The following ATP11A variants were observed in gnomAD, a reference collection of about 807,000 sequenced individuals.
ATP11A encodes the protein phospholipid-transporting ATPase IH.
ATP11A carries 81 observed loss-of-function variants against 154.4 expected under a neutral mutation model. The ratio of observed to expected loss-of-function variants is 0.52; its 90% confidence interval spans 0.44 to 0.63. The LOEUF is 0.63. ATP11A is among the 30% of genes least tolerant of loss of function. The pLI is 0.00. For missense variants in ATP11A, 1,316 were observed against 1,474.3 expected, an observed-to-expected ratio of 0.89 and a Z score of 1.76; for synonymous variants, 623 against 585.9, an observed-to-expected ratio of 1.06 and a Z score of -0.91.
intron 1 of ATP11A, among the ~76,000 whole-genome samples, chr13:112,738,067 C>T (rs992980637): frequency 3.3e-5 from 5 of 152,138 alleles, no homozygotes; most frequent in African/African-American, 7.2e-5. Context: ...CTCTTTGCCT[C>T]GGGTTGAAAT....
At chr13:112,858,467 C>G (rs1309573509) in intron 22 of ATP11A, 177 bp downstream of exon 22, 3 of 674,552 alleles carry the variant, frequency 4.4e-6, no homozygotes, top group East Asian at 5.9e-5. Flanking sequence ...TGTGACTTTG[C>G]TTTTTACAGT....
chr13:112,832,339 G>A (rs566633340), intron 13 of ATP11A, among the ~76,000 whole-genome samples: 4 of 152,324 alleles, frequency 2.6e-5, no homozygotes, highest in South Asian at 2.1e-4. Flanking sequence ...AGCTGCAGGC[G>A]CAGGATAATA....
Position 112,788,273 on chromosome 13 carries a change from C to T in ATP11A, c.162+3016C>T, listed in dbSNP as rs138942854. 8.2e-4 allele frequency among the ~76,000 whole-genome samples: 123 copies of T among 150,256 alleles called. 1 individual carries two copies. Among genetic ancestry groups the T allele is most frequent in the African/African-American group, 2.5e-3 (101 of 40,566 alleles). On this transcript the variant is annotated intron_variant, in intron 2 of 29. Transcript: ENST00000375645. ...CTGTGGAGACCTACTTAATTCACACCGGGTATTCTGACATGTAGACCCCTG... is the reference window on the plus strand; with the variant it reads ...CTGTGGAGACCTACTTAATTCACACTGGGTATTCTGACATGTAGACCCCTG...
At chr13:112,801,732 T>C (rs1418952507) in intron 2 of ATP11A, among the ~76,000 whole-genome samples, 1 of 152,216 alleles carries the variant, frequency 6.6e-6, no homozygotes, top group Non-Finnish European at 1.5e-5. Context: ...TAACAAGATA[T>C]GTACAAGGTC....
chr13:112,850,292 C>T (rs965983569), intron 17 of ATP11A, among the ~76,000 whole-genome samples: 10 of 152,134 alleles, frequency 6.6e-5, no homozygotes, highest in African/African-American at 1.2e-4. Context: ...GCAGGGAAAA[C>T]GGAAGGGGAA....
intron 13 of ATP11A, among the ~76,000 whole-genome samples, chr13:112,832,235 G>C (rs2079114512): frequency 6.6e-6 from 1 of 152,250 alleles, no homozygotes; most frequent in Non-Finnish European, 1.5e-5. Context: ...TGCTGTTCCT[G>C]AATTTCCCCG....
rs535425767 is a variant in ATP11A, at chr13:112,833,036, C to T, written c.1559+13C>T. The T allele has an allele frequency of 2.5e-6, 4 of 1,604,824 alleles. No individual in the cohort carries two copies. In the South Asian group the frequency reaches 4.4e-5, roughly 18 times the overall value. On this transcript the variant is annotated intron_variant, in intron 14 of 29. Transcript: ENST00000375645. ...AAGGTGTCCAGAGGTACGTCGCGGG[C>T]CAAGGGTCTGCCTGGGTTTCCTGAT...
intron 1 of ATP11A, among the ~76,000 whole-genome samples, chr13:112,765,480 C>G (rs1362921252): frequency 6.6e-6 from 1 of 152,248 alleles, no homozygotes; most frequent in Non-Finnish European, 1.5e-5. Context: ...ACTCCACGTT[C>G]TTCTGAGCGT....
At chr13:112,715,493 TGGCCCATCCCCTGCACCTGGCCGA>T (rs2139596863) in intron 1 of ATP11A, among the ~76,000 whole-genome samples, 2 of 10,580 alleles carry the variant, frequency 1.9e-4, no homozygotes, top group Non-Finnish European at 7.3e-4. Context: ...TCCCCGTACC[TGGCCCATCCCCTGCACCTGGCCGA>T]TCCCCACCCT....
rs780471184 is a variant in ATP11A, at chr13:112,690,431, C to T, written c.15C>T (p.Leu5=). The T allele has an allele frequency of 1.0e-5, 14 of 1,346,798 alleles. No homozygotes were observed. In the South Asian group the frequency reaches 1.4e-4, roughly 14 times the overall value. The allele number at this position is 1,346,798 out of a possible 1,614,324, so 83.4% of individuals were successfully genotyped here. A position where few individuals can be genotyped will look rare whatever the true frequency, so the allele number is the denominator to read the frequency against. MDCS[L]VRTLVHRYCA... The stretch of plus-strand genomic sequence containing the variant: ...CCGGAGGAGCCATGGACTGCAGCCT[C>T]GTGCGGACGCTCGTGCACAGATACG... The change falls in exon 1 of 30, where the codon CTC becomes CTT. Residue 5 remains leucine (L), a synonymous_variant. Coordinates refer to ENST00000375645, the MANE Select transcript of ATP11A (RefSeq NM_015205.3). This position sits in a 1 kb window ranked among gnomAD's most constrained non-coding sequence, Gnocchi z 5.6.
chr13:112,852,494 C>A (rs2079794863), intron 18 of ATP11A, among the ~76,000 whole-genome samples: 1 of 152,200 alleles, frequency 6.6e-6, no homozygotes, highest in Non-Finnish European at 1.5e-5. Context: ...ACGCGACTTG[C>A]ACGTGGGAAG....
rs1226363438 is a variant in ATP11A at position 112,832,898 on chromosome 13, C to T, written c.1434C>T (p.Cys478=). Residue 478 remains cysteine (C), a synonymous_variant, in exon 14 of 30, where the codon TGC becomes TGT. Coordinates refer to ENST00000375645, the MANE Select transcript of ATP11A (RefSeq NM_015205.3). ...EELFFRALCL[C]HTVQVKDDDS... ...TGTTTTTCCGGGCCCTCTGTCTCTG[C>T]CACACCGTCCAGGTGAAAGACGATG... 6.2e-7 allele frequency: 1 copy of T among 1,614,102 alleles called. No individual in the cohort carries two copies. The highest frequency in any genetic ancestry group is 1.1e-5 in the South Asian group (1 of 91,078).
At chr13:112,733,655 A>G (rs548051937) in intron 1 of ATP11A, among the ~76,000 whole-genome samples, 17 of 152,282 alleles carry the variant, frequency 1.1e-4, no homozygotes, top group African/African-American at 3.6e-4. Context: ...GTGGATCACA[A>G]GTGAAGGAGT....
At chr13:112,764,900 C>T (rs556308284) in intron 1 of ATP11A, among the ~76,000 whole-genome samples, 2 of 152,316 alleles carry the variant, frequency 1.3e-5, no homozygotes, top group South Asian at 2.1e-4. Context: ...TTCCTTAGCT[C>T]AGGGCGCTAC....
chr13:112,768,457 G>C (rs977112151), intron 1 of ATP11A, among the ~76,000 whole-genome samples: 1 of 152,218 alleles, frequency 6.6e-6, no homozygotes, highest in Non-Finnish European at 1.5e-5. Flanking sequence ...CAGCTGAGCC[G>C]CCCTGGTGTC....
At chr13:112,717,193 T>C (rs282569) in intron 1 of ATP11A, 119,054 of 152,248 alleles carry the variant, frequency 0.78, 48,151 homozygotes, top group East Asian at 0.93. Context: ...GGACAAAATT[T>C]AAAATGCAAA....
At chr13:112,782,543 T>C (rs1428772571) in intron 1 of ATP11A, among the ~76,000 whole-genome samples, 1 of 152,274 alleles carries the variant, frequency 6.6e-6, no homozygotes, top group East Asian at 1.9e-4. Flanking sequence ...CCAGGGACTT[T>C]GCTTAGCCTT....
chr13:112,772,849 G>C (rs2077258846), intron 1 of ATP11A, among the ~76,000 whole-genome samples: 1 of 152,254 alleles, frequency 6.6e-6, no homozygotes, highest in African/African-American at 2.4e-5. Flanking sequence ...GCCATTTGCA[G>C]GTCTCTAGAG....
At position 112,777,665 on chromosome 13, in the gene ATP11A, G is replaced by A. The variant is rs544477260; in HGVS notation, c.40-7470G>A. 1.1e-3 allele frequency among the ~76,000 whole-genome samples: 163 copies of A among 152,374 alleles called. 1 individual carries two copies. Among genetic ancestry groups the A allele is most frequent in the African/African-American group, 3.6e-3 (151 of 41,590 alleles). On this transcript the variant is annotated intron_variant, in intron 1 of 29. Transcript: ENST00000375645. ...TTGTGGTGACATTTTCTCTGAGGCT[G>A]CTGTGCTGTGCGGTTACAGCTGCCC... is the stretch of plus-strand genomic sequence containing the variant.
Sources: allele counts gnomAD v4.1 joint callset (sites outside exome capture counted in the v4.1 genomes callset), GRCh38; gene constraint gnomAD v4.1.1; non-coding constraint Gnocchi (gnomAD v3.1); transcripts MANE v1.5; gene names NCBI Gene and HGNC (gene_info 2026-07-23, HGNC 2026-07-21).